Variants in STXBP5L observed in about 807,000 individuals in gnomAD.
The protein encoded by STXBP5L is syntaxin-binding protein 5-like.
STXBP5L carries 65 observed loss-of-function variants against 144.5 expected under a neutral mutation model. The ratio of observed to expected loss-of-function variants is 0.45; its 90% CI spans 0.37 to 0.55. The LOEUF (loss-of-function observed/expected upper bound fraction) is 0.55, where lower values mean the gene tolerates loss of function less well. Among genes scored for constraint, STXBP5L ranks in the 20% least tolerant of loss-of-function variants. The pLI is 0.00. For missense variants in STXBP5L, 1,298 were observed against 1,405.5 expected, an observed-to-expected ratio of 0.92 and a Z score of 1.22; for synonymous variants, 505 against 469.6, an observed-to-expected ratio of 1.08 and a Z score of -0.97.
At chr3:121,345,638 G>C (rs532219312) in intron 20 of STXBP5L, among the ~76,000 whole-genome samples, 2 of 151,960 alleles carry the variant, frequency 1.3e-5, no homozygotes, top group African/African-American at 2.4e-5. Context: ...GTGTAAAAGC[G>C]TGCCTATTTC....
intron 18 of STXBP5L, among the ~76,000 whole-genome samples, chr3:121,265,913 G>A (rs754342144): frequency 4.0e-5 from 6 of 151,754 alleles, no homozygotes; most frequent in South Asian, 2.1e-4. Flanking sequence ...ATATACCCTC[G>A]CAAGACTAAA....
At chr3:121,036,161 C>A (rs1946738325) in intron 3 of STXBP5L, among the ~76,000 whole-genome samples, 2 of 151,988 alleles carry the variant, frequency 1.3e-5, no homozygotes, top group South Asian at 4.1e-4. Context: ...GGTGAAATCC[C>A]ATCTCTACTA....
intron 2 of STXBP5L, among the ~76,000 whole-genome samples, chr3:120,947,005 A>G (rs1289207267): frequency 6.6e-6 from 1 of 151,682 alleles, no homozygotes; most frequent in Non-Finnish European, 1.5e-5. Flanking sequence ...TCTTTCTATT[A>G]CATATTTATT....
intron 18 of STXBP5L, among the ~76,000 whole-genome samples, chr3:121,266,530 G>C (rs2050573138): frequency 6.6e-6 from 1 of 152,110 alleles, no homozygotes; most frequent in Non-Finnish European, 1.5e-5. Flanking sequence ...TACTCAATAG[G>C]CACAAGCTGG....
At chr3:121,350,871 T>C (rs892909784) in intron 20 of STXBP5L, among the ~76,000 whole-genome samples, 3 of 152,154 alleles carry the variant, frequency 2.0e-5, no homozygotes, top group Non-Finnish European at 4.4e-5. Flanking sequence ...TAATCTTTTT[T>C]CAAGGTTTTT....
intron 10 of STXBP5L, among the ~76,000 whole-genome samples, chr3:121,210,145 A>G (rs1285456413): frequency 6.6e-6 from 1 of 151,982 alleles, no homozygotes; most frequent in African/African-American, 2.4e-5. Flanking sequence ...GTGAGATGGT[A>G]TCTCATTGTG....
intron 3 of STXBP5L, among the ~76,000 whole-genome samples, chr3:121,018,090 T>C (rs986242861): frequency 2.7e-4 from 41 of 149,594 alleles, no homozygotes; most frequent in African/African-American, 9.7e-4. Flanking sequence ...AATGAATGAA[T>C]GAATGAATGA....
At position 121,322,254 on chromosome 3, in the gene STXBP5L, G is replaced by A. The variant is rs1474980110; in HGVS notation, c.2176+3714G>A. Among the ~76,000 whole-genome samples the A allele has an allele frequency of 5.3e-5, 8 of 152,178 alleles. No homozygotes were observed. In the East Asian group the frequency reaches 5.8e-4, roughly 11 times the overall value. On this transcript the variant is annotated intron_variant, in intron 20 of 26. Coordinates refer to ENST00000471454, the MANE Select transcript of STXBP5L (RefSeq NM_001308330.2). ...AGCACTTTGGGAGGCCGAGATGGGC[G>A]GATCACCTGAGGTTGGGGGTTTGAG...
At chr3:121,151,282 T>A (rs2045922927) in intron 7 of STXBP5L, among the ~76,000 whole-genome samples, 1 of 152,160 alleles carries the variant, frequency 6.6e-6, no homozygotes, top group Admixed American at 6.6e-5. Context: ...ATATATGCCA[T>A]TTACTTCAAG....
intron 5 of STXBP5L, among the ~76,000 whole-genome samples, chr3:121,064,067 C>G (rs2041421880): frequency 6.6e-6 from 1 of 152,174 alleles, no homozygotes; most frequent in Admixed American, 6.5e-5. Flanking sequence ...AGCTCGGTGT[C>G]TGCTCAAATG....
At chr3:121,125,141 G>A (rs994591878) in intron 7 of STXBP5L, among the ~76,000 whole-genome samples, 22 of 152,224 alleles carry the variant, frequency 1.4e-4, no homozygotes, top group Middle Eastern at 3.4e-3. Flanking sequence ...AGTGCAAGAA[G>A]GAACAAACTG....
chr3:121,238,672 G>A (rs889615062), intron 12 of STXBP5L, among the ~76,000 whole-genome samples: 21 of 152,140 alleles, frequency 1.4e-4, no homozygotes, highest in African/African-American at 4.8e-4. Flanking sequence ...TTATATAATA[G>A]TTTCAGATTA....
chr3:120,997,292 C>A (rs960189169), intron 3 of STXBP5L, among the ~76,000 whole-genome samples: 1 of 152,038 alleles, frequency 6.6e-6, no homozygotes, highest in Non-Finnish European at 1.5e-5. Context: ...TTTATATTGT[C>A]TTGGGTATAT....
chr3:120,963,421 C>T (rs1939121209), intron 3 of STXBP5L, among the ~76,000 whole-genome samples: 1 of 152,070 alleles, frequency 6.6e-6, no homozygotes, highest in African/African-American at 2.4e-5. Context: ...TCATAAATAG[C>T]TCTTATTATT....
intron 10 of STXBP5L, among the ~76,000 whole-genome samples, chr3:121,212,677 G>A (rs2048623587): frequency 6.6e-6 from 1 of 152,124 alleles, no homozygotes; most frequent in Admixed American, 6.5e-5. Context: ...TTTTTGCTTA[G>A]CATTGTCTTG....
chr3:121,280,100 T>G, intron 19 of STXBP5L, 144 bp downstream of exon 19: 1 of 1,029,608 alleles, frequency 9.7e-7, no homozygotes, highest in Non-Finnish European at 1.4e-6. Context: ...GTAAGTAAAA[T>G]AAATTGGGCA....
At chr3:120,964,827 G>A (rs1444961901) in intron 3 of STXBP5L, among the ~76,000 whole-genome samples, 2 of 152,158 alleles carry the variant, frequency 1.3e-5, no homozygotes, top group African/African-American at 4.8e-5. Context: ...GGACATCCTT[G>A]TTAACCTTCT....
chr3:121,033,658 A>C (rs1946541245), intron 3 of STXBP5L, among the ~76,000 whole-genome samples: 1 of 151,866 alleles, frequency 6.6e-6, no homozygotes, highest in Non-Finnish European at 1.5e-5. Context: ...TGTTAAACCA[A>C]TACATTACCA....
At chr3:120,987,616 T>G (rs1942412064) in intron 3 of STXBP5L, among the ~76,000 whole-genome samples, 1 of 151,936 alleles carries the variant, frequency 6.6e-6, no homozygotes, top group African/African-American at 2.4e-5. Context: ...GGACGGCTTA[T>G]CAGTTTTTTA....
Sources: allele counts gnomAD v4.1 joint callset (sites outside exome capture counted in the v4.1 genomes callset), GRCh38; gene constraint gnomAD v4.1.1; transcripts MANE v1.5; gene names NCBI Gene and HGNC (gene_info 2026-07-23, HGNC 2026-07-21).